Variants in DPP10 observed in about 807,000 individuals in gnomAD.
DPP10 encodes the protein dipeptidyl peptidase like 10, also known as inactive dipeptidyl peptidase 10.
DPP10 carries 33 observed loss-of-function variants against 120.9 expected under a neutral mutation model. The ratio of observed to expected loss-of-function variants is 0.27; its 90% CI spans 0.21 to 0.37. The LOEUF (loss-of-function observed/expected upper bound fraction) is 0.37. Among genes scored for constraint, DPP10 ranks in the 10% least tolerant of loss-of-function variants. DPP10 has a pLI of 1.00. For missense variants in DPP10, 816 were observed against 942.8 expected (o/e 0.87, Z 1.76); for synonymous variants, 337 against 326.1 (o/e 1.03, Z -0.36).
intron 19 of DPP10, among the ~76,000 whole-genome samples, chr2:115,803,672 T>C (rs1190739587): frequency 1.3e-5 from 2 of 152,080 alleles, no homozygotes; most frequent in Non-Finnish European, 2.9e-5. Flanking sequence ...AAAGTGTTTT[T>C]TTCTCCTTCA....
chr2:115,220,374 T>C (rs949003439), intron 1 of DPP10, among the ~76,000 whole-genome samples: 1 of 113,068 alleles, frequency 8.8e-6, no homozygotes, highest in Non-Finnish European at 2.0e-5. Context: ...AGATCTTCCG[T>C]GTGACCTTAC....
At chr2:114,978,417 C>T (rs187534650) in intron 1 of DPP10, among the ~76,000 whole-genome samples, 5 of 152,284 alleles carry the variant, frequency 3.3e-5, no homozygotes, top group African/African-American at 1.2e-4. Context: ...ATATAACCAA[C>T]GTTTCTGTAC....
chr2:115,679,195 G>C (rs573994131), intron 5 of DPP10, among the ~76,000 whole-genome samples: 7 of 134,748 alleles, frequency 5.2e-5, no homozygotes, highest in Non-Finnish European at 7.4e-5. Context: ...CATGAGATGT[G>C]GGGGGGGTGC....
intron 1 of DPP10, among the ~76,000 whole-genome samples, chr2:115,048,355 C>G (rs749233493): frequency 5.3e-5 from 8 of 152,042 alleles, no homozygotes; most frequent in Non-Finnish European, 1.0e-4. Context: ...ATCACTATCT[C>G]CCATTGACAC....
chr2:114,556,083 A>T (rs1377238174), intron 1 of DPP10, among the ~76,000 whole-genome samples: 4 of 151,834 alleles, frequency 2.6e-5, no homozygotes, highest in African/African-American at 9.7e-5. Context: ...AAGGTTTAGA[A>T]GATTCTCTCT....
chr2:114,674,422 G>A (rs1035423573), intron 1 of DPP10, among the ~76,000 whole-genome samples: 1 of 151,756 alleles, frequency 6.6e-6, no homozygotes, highest in Non-Finnish European at 1.5e-5. Context: ...ACCATAATTA[G>A]CAATGCCACA....
intron 3 of DPP10, among the ~76,000 whole-genome samples, chr2:115,483,787 T>G (rs1480153870): frequency 6.6e-6 from 1 of 152,086 alleles, no homozygotes; most frequent in Non-Finnish European, 1.5e-5. Flanking sequence ...TGATTATTCT[T>G]AACAACTCAA....
At chr2:115,276,983 A>G (rs1469980870) in intron 1 of DPP10, among the ~76,000 whole-genome samples, 2 of 152,188 alleles carry the variant, frequency 1.3e-5, no homozygotes, top group Non-Finnish European at 2.9e-5. Context: ...AAATTATAAA[A>G]GTTGATATTT....
chr2:114,798,722 A>T (rs536093334), intron 1 of DPP10, among the ~76,000 whole-genome samples: 40 of 152,248 alleles, frequency 2.6e-4, no homozygotes, highest in Non-Finnish European at 1.0e-4. Flanking sequence ...CTTGCTCTGG[A>T]TTCTGGTTAC....
intron 1 of DPP10, among the ~76,000 whole-genome samples, chr2:115,201,036 A>G (rs1292596569): frequency 6.6e-6 from 1 of 152,206 alleles, no homozygotes; most frequent in Non-Finnish European, 1.5e-5. Flanking sequence ...CCTACTTTGG[A>G]TCATCCTCCT....
chr2:114,674,439 T>C (rs1698541861), intron 1 of DPP10, among the ~76,000 whole-genome samples: 1 of 152,152 alleles, frequency 6.6e-6, no homozygotes, highest in African/African-American at 2.4e-5. Flanking sequence ...CACAATGATA[T>C]ATTTTGGATT....
At chr2:114,493,082 T>A (rs1276695533) in intron 1 of DPP10, among the ~76,000 whole-genome samples, 1 of 152,156 alleles carries the variant, frequency 6.6e-6, no homozygotes, top group African/African-American at 2.4e-5. Context: ...AAAATATGTG[T>A]TTAATAAGGA....
intron 1 of DPP10, among the ~76,000 whole-genome samples, chr2:114,767,402 A>G (rs1015902441): frequency 1.3e-5 from 2 of 151,100 alleles, no homozygotes; most frequent in African/African-American, 4.8e-5. Flanking sequence ...TGAATGGAGG[A>G]GAGGCGAAAT....
At chr2:115,780,628 T>C (rs10173956) in intron 15 of DPP10, among the ~76,000 whole-genome samples, 148,475 of 151,844 alleles carry the variant, frequency 0.98, 72,704 homozygotes, top group Middle Eastern at 1. Context: ...TACATACAAG[T>C]GTACATATTA....
chr2:114,546,484 T>C (rs537674368), intron 1 of DPP10, among the ~76,000 whole-genome samples: 2 of 152,332 alleles, frequency 1.3e-5, no homozygotes, highest in East Asian at 3.9e-4. Flanking sequence ...CATTTCAATG[T>C]GAGATTTGGG....
At chr2:114,658,382 T>C (rs1697123892) in intron 1 of DPP10, among the ~76,000 whole-genome samples, 1 of 152,184 alleles carries the variant, frequency 6.6e-6, no homozygotes, top group Non-Finnish European at 1.5e-5. Flanking sequence ...AGGAGATTAA[T>C]GAGAAAGAAT....
intron 15 of DPP10, 79 bp from the exon 16 acceptor site, chr2:115,780,795 A>T (rs1682662437): frequency 2.3e-6 from 3 of 1,326,598 alleles, no homozygotes; most frequent in South Asian, 1.7e-5. Context: ...TGTTTATATT[A>T]TATTTAAATA....
At chr2:115,462,676 A>G (rs147940326) in intron 3 of DPP10, among the ~76,000 whole-genome samples, 2 of 152,292 alleles carry the variant, frequency 1.3e-5, no homozygotes, top group African/African-American at 4.8e-5. Flanking sequence ...AATATTTGCT[A>G]ATGTATATTT....
intron 4 of DPP10, 139 bp from the exon 5 acceptor site, chr2:115,525,759 A>G (rs1301374232): frequency 1.8e-5 from 11 of 614,708 alleles, no homozygotes; most frequent in African/African-American, 1.1e-4. Context: ...ACATACATAC[A>G]TGCAAATATG....
Sources: allele counts gnomAD v4.1 joint callset (sites outside exome capture counted in the v4.1 genomes callset), GRCh38; gene constraint gnomAD v4.1.1; transcripts MANE v1.5; gene names NCBI Gene and HGNC (gene_info 2026-07-23, HGNC 2026-07-21).